The following TMEM65 variants were observed in gnomAD, a reference collection of about 807,000 sequenced individuals.
The protein encoded by TMEM65 is transmembrane protein 65.
TMEM65 carries 22 observed loss-of-function variants against 25.4 expected under a neutral mutation model. The observed-to-expected ratio is 0.86, with a 90% confidence interval of 0.62 to 1.23. TMEM65 has a LOEUF of 1.23. Among genes scored for constraint, TMEM65 ranks in the 50% most tolerant of loss-of-function variants. TMEM65 has a pLI of 0.00. For synonymous variants in TMEM65, 132 were observed against 126.2 expected, an observed-to-expected ratio of 1.05 and a Z score of -0.31; for missense variants, 262 against 308.2, an observed-to-expected ratio of 0.85 and a Z score of 1.12.
intron 6 of TMEM65, among the ~76,000 whole-genome samples, chr8:124,319,502 G>A (rs528721188): frequency 5.9e-5 from 9 of 151,552 alleles, no homozygotes; most frequent in Non-Finnish European, 1.0e-4. Flanking sequence ...TCCTAAAGTC[G>A]GTTCTTGTAT....
chr8:124,370,336 G>C (rs985014126), intron 1 of TMEM65, among the ~76,000 whole-genome samples: 1 of 152,156 alleles, frequency 6.6e-6, no homozygotes, highest in Non-Finnish European at 1.5e-5. Context: ...AAGGTAAAAT[G>C]TGTGTTCAAA....
intron 1 of TMEM65, among the ~76,000 whole-genome samples, chr8:124,339,650 G>A (rs763393450): frequency 6.6e-6 from 1 of 152,024 alleles, no homozygotes; most frequent in Admixed American, 6.6e-5. Flanking sequence ...TGAGCAGCAT[G>A]AATTTGAGTT....
intron 5 of TMEM65, among the ~76,000 whole-genome samples, chr8:124,321,023 A>G (rs527916816): frequency 2.6e-5 from 4 of 152,328 alleles, no homozygotes; most frequent in African/African-American, 7.2e-5. Context: ...TAAATATATC[A>G]GAAAGCTATA....
chr8:124,323,456 A>G (rs943405044), intron 3 of TMEM65, 81 bp from the exon 4 acceptor site: 1 of 727,432 alleles, frequency 1.4e-6, no homozygotes, highest in Non-Finnish European at 2.2e-6. Context: ...ATAAAAACAG[A>G]TACAAGTTAA....
intron 1 of TMEM65, among the ~76,000 whole-genome samples, chr8:124,353,951 A>G (rs1814743555): frequency 6.6e-6 from 1 of 152,232 alleles, no homozygotes; most frequent in African/African-American, 2.4e-5. Flanking sequence ...GATAGATACC[A>G]TGTTAATCAA....
Position 124,372,207 on chromosome 8 carries a change from T to C in TMEM65, c.-50A>G, listed in dbSNP as rs1204738686. The C allele has an allele frequency of 1.6e-6, 2 of 1,238,194 alleles. No homozygotes were observed. Among genetic ancestry groups the C allele is most frequent in the Non-Finnish European group, 2.0e-6 (2 of 982,896 alleles). 76.7% of individuals were successfully genotyped at this position (1,238,194 alleles called of 1,614,324 possible). On this transcript the variant is annotated 5_prime_UTR_variant, in exon 1 of 7. Transcript: ENST00000297632. ...CGCGGCCGTCCGGCAAGGCGGTTTC[T>C]GGCGCGGCTGAGGCGAGAAGGAGCT...
chr8:124,333,186 AT>A (rs954886332), intron 1 of TMEM65, among the ~76,000 whole-genome samples: 13 of 151,518 alleles, frequency 8.6e-5, no homozygotes, highest in African/African-American at 3.2e-4. Context: ...AAAAAAAAAA[AT>A]TACCTATAAA....
chr8:124,323,742 C>T (rs1249118778), intron 3 of TMEM65, among the ~76,000 whole-genome samples: 1 of 151,892 alleles, frequency 6.6e-6, no homozygotes, highest in Non-Finnish European at 1.5e-5. Context: ...CTGAACTATA[C>T]ATCTATACTA....
At chr8:124,356,580 G>C (rs1163775354) in intron 1 of TMEM65, among the ~76,000 whole-genome samples, 2 of 152,050 alleles carry the variant, frequency 1.3e-5, no homozygotes, top group Admixed American at 1.3e-4. Flanking sequence ...TCCTCACATA[G>C]CTATCATTAA....
chr8:124,351,844 C>T (rs1814712767), intron 1 of TMEM65, among the ~76,000 whole-genome samples: 1 of 152,206 alleles, frequency 6.6e-6, no homozygotes, highest in Admixed American at 6.5e-5. Context: ...AATATTCCCA[C>T]AGTCAGCTAT....
intron 1 of TMEM65, among the ~76,000 whole-genome samples, chr8:124,347,681 A>G (rs1054249537): frequency 6.6e-6 from 1 of 152,170 alleles, no homozygotes; most frequent in Admixed American, 6.6e-5. Context: ...CTTCACTGCA[A>G]CCTGTTACCT....
intron 3 of TMEM65, among the ~76,000 whole-genome samples, chr8:124,324,990 TAA>T (rs200018099): frequency 3.5e-3 from 536 of 152,138 alleles, no homozygotes; most frequent in Non-Finnish European, 3.5e-3. Flanking sequence ...CCCTAAAATA[TAA>T]GTTATAAAAA....
At chr8:124,354,589 C>T (rs951832703) in intron 1 of TMEM65, among the ~76,000 whole-genome samples, 2 of 152,194 alleles carry the variant, frequency 1.3e-5, no homozygotes, top group Admixed American at 6.5e-5. Context: ...CATCTAATAG[C>T]TTGTTTTCAC....
intron 6 of TMEM65, among the ~76,000 whole-genome samples, chr8:124,315,739 G>A (rs369528663): frequency 6.6e-6 from 1 of 152,106 alleles, no homozygotes; most frequent in South Asian, 2.1e-4. Context: ...GGTATTAGTA[G>A]TATGACCACT....
At position 124,308,817 on chromosome 8, in the gene TMEM65, T is replaced by A. The variant is rs766865198; in HGVS notation, c.*5143A>T. 1 of 152,160 alleles carries A rather than the reference T, an allele frequency of 6.6e-6. No homozygotes were observed. The highest frequency in any genetic ancestry group is 1.5e-5 in the Non-Finnish European group (1 of 68,040). The allele number at this position is 152,160 out of a possible 1,614,324, so 9.4% of individuals were successfully genotyped here. On this transcript the variant is annotated 3_prime_UTR_variant, in exon 7 of 7. Coordinates refer to ENST00000297632, the MANE Select transcript of TMEM65 (RefSeq NM_194291.3). ...TGATTTTACAACATGAACCCTTCTA[T>A]CACACAGGCACTAAAACTAAAGCAA...
In TMEM65 at chr8:124,307,657, G is replaced by A. The variant is rs915564644; in HGVS notation, c.*6303C>T. The A allele has an allele frequency of 3.9e-5, 6 of 152,130 alleles. No individual in the cohort carries two copies. The highest frequency in any genetic ancestry group is 1.4e-4 in the African/African-American group (6 of 41,410). The allele number at this position is 152,130 out of a possible 1,614,324, so 9.4% of individuals were successfully genotyped here. A position where few individuals can be genotyped will look rare whatever the true frequency, so the allele number is the denominator to read the frequency against. ...TGACAATTTAAAGCAAAAGGAAGGT[G>A]AAGGATCTAAATCTAGAGAATTTAA... is the stretch of plus-strand genomic sequence containing the variant. On this transcript the variant is annotated 3_prime_UTR_variant, in exon 7 of 7. Coordinates refer to ENST00000297632, the MANE Select transcript of TMEM65 (RefSeq NM_194291.3).
chr8:124,316,385 T>C (rs1017819825), intron 6 of TMEM65, among the ~76,000 whole-genome samples: 2 of 152,228 alleles, frequency 1.3e-5, no homozygotes, highest in East Asian at 3.8e-4. Context: ...AACCTGCATG[T>C]GTATCTGTAT....
At chr8:124,366,181 C>A (rs148879422) in intron 1 of TMEM65, among the ~76,000 whole-genome samples, 52 of 152,328 alleles carry the variant, frequency 3.4e-4, no homozygotes, top group African/African-American at 1.2e-3. Flanking sequence ...AAGATCACAC[C>A]ACTGCACTCC....
intron 1 of TMEM65, among the ~76,000 whole-genome samples, chr8:124,352,955 C>T (rs1053659664): frequency 6.6e-6 from 1 of 151,854 alleles, no homozygotes; most frequent in African/African-American, 2.4e-5. Flanking sequence ...GACGAAACAC[C>T]GTCTATACAA....
Sources: allele counts gnomAD v4.1 joint callset (sites outside exome capture counted in the v4.1 genomes callset), GRCh38; gene constraint gnomAD v4.1.1; transcripts MANE v1.5; gene names NCBI Gene and HGNC (gene_info 2026-07-23, HGNC 2026-07-21).